Variants in PEAK1 observed in about 807,000 individuals in gnomAD.
PEAK1 encodes pseudopodium enriched atypical kinase 1, also known as inactive tyrosine-protein kinase PEAK1.
In PEAK1, 54 loss-of-function variants were observed where a neutral mutation model predicts 124.7. The ratio of observed to expected loss-of-function variants is 0.43; its 90% CI spans 0.35 to 0.54. The LOEUF (loss-of-function observed/expected upper bound fraction) is 0.54, where lower values mean the gene tolerates loss of function less well. Among genes scored for constraint, PEAK1 ranks in the 20% least tolerant of loss-of-function variants. The pLI, the probability that PEAK1 is intolerant of heterozygous loss-of-function variation, is 0.01. For missense variants in PEAK1, 2,046 were observed against 2,134.5 expected, an observed-to-expected ratio of 0.96 and a Z score of 0.82; for synonymous variants, 719 against 760.0, an observed-to-expected ratio of 0.95 and a Z score of 0.89.
chr15:77,377,548 C>T (rs1364396939), intron 1 of PEAK1, among the ~76,000 whole-genome samples: 6 of 151,032 alleles, frequency 4.0e-5, no homozygotes, highest in Non-Finnish European at 7.4e-5. Context: ...CAGCTCACTG[C>T]AACCTCCACC....
chr15:77,112,398 T>C lies in PEAK1; in HGVS notation c.*1758A>G, dbSNP rs1208729998. ...TGTAAGTAATACTGCACAGTCAGTC[T>C]TGGCTTTAAGGAAACTCTGCACTGG... On this transcript the variant is annotated 3_prime_UTR_variant, in exon 10 of 10. Coordinates refer to ENST00000682557, the MANE Select transcript of PEAK1 (RefSeq NM_001385026.1). 6.6e-6 allele frequency: 1 copy of C among 152,252 alleles called. No homozygotes were observed. Among genetic ancestry groups the C allele is most frequent in the Non-Finnish European group, 1.5e-5 (1 of 68,054 alleles). The allele number at this position is 152,252 out of a possible 1,614,324, so 9.4% of individuals were successfully genotyped here.
chr15:77,408,440 C>T (rs1314695472), intron 1 of PEAK1, among the ~76,000 whole-genome samples: 1 of 151,844 alleles, frequency 6.6e-6, no homozygotes, highest in Non-Finnish European at 1.5e-5. Flanking sequence ...GCGTACACTG[C>T]TTGGCGATGG....
intron 5 of PEAK1, among the ~76,000 whole-genome samples, chr15:77,272,349 A>G (rs1473981061): frequency 6.6e-6 from 1 of 152,220 alleles, no homozygotes; most frequent in East Asian, 1.9e-4. Flanking sequence ...GATAAATAAA[A>G]TTGATAGACC....
intron 6 of PEAK1, among the ~76,000 whole-genome samples, chr15:77,242,864 C>T (rs1057214590): frequency 1.3e-5 from 2 of 152,124 alleles, no homozygotes; most frequent in African/African-American, 4.8e-5. Context: ...TGTCTTCCAA[C>T]AGGAAAGTAT....
intron 6 of PEAK1, among the ~76,000 whole-genome samples, chr15:77,250,192 CAT>C (rs1197348228): frequency 1.6e-4 from 17 of 104,090 alleles, no homozygotes; most frequent in African/African-American, 2.7e-4. Context: ...TATATATATA[CAT>C]ATATATACAT....
In PEAK1 at chr15:77,112,004, T is replaced by A. The variant is rs1485699427; in HGVS notation, c.*2152A>T. The A allele has an allele frequency of 6.6e-6, 1 of 152,230 alleles. No homozygotes were observed. The highest frequency in any genetic ancestry group is 1.5e-5 in the Non-Finnish European group (1 of 68,062). 9.4% of individuals were successfully genotyped at this position (152,230 alleles called of 1,614,324 possible). Reference sequence around the variant, plus strand: ...TATGTGCACATGTTCTATGCTAAGATGAACCAAACACCAACCTTCAAGGCA... The same window carrying A: ...TATGTGCACATGTTCTATGCTAAGAAGAACCAAACACCAACCTTCAAGGCA... On this transcript the variant is annotated 3_prime_UTR_variant, in exon 10 of 10. Transcript: ENST00000682557.
At position 77,181,485 on chromosome 15, in the gene PEAK1, C is replaced by T; in HGVS notation, c.442G>A (p.Gly148Arg). ...SAKKMSDNNN[G>R]LTEVLKEIAG... ...ATCTCCTTTAACACTTCAGTTAGTC[C>T]ATTATTGTTATCTGACATCTTCTTT... Residue 148 changes from glycine (G) to arginine (R), a missense_variant, in exon 7 of 10, where the codon GGA becomes AGA. Transcript: ENST00000682557. 1 of 1,614,076 alleles carries T rather than the reference C, an allele frequency of 6.2e-7. No individual in the cohort carries two copies.
downstream of PEAK1, chr15:77,106,270 C>G (rs897551361): frequency 5.9e-5 from 9 of 152,176 alleles, no homozygotes; most frequent in South Asian, 6.2e-4. Flanking sequence ...ATTGCCAGAT[C>G]AACTCAAAAT....
At chr15:77,285,592 C>T (rs1416777675) in intron 3 of PEAK1, among the ~76,000 whole-genome samples, 1 of 152,162 alleles carries the variant, frequency 6.6e-6, no homozygotes, top group East Asian at 1.9e-4. Flanking sequence ...GAGCTTCTGA[C>T]CTCAAGCAAT....
intron 9 of PEAK1, among the ~76,000 whole-genome samples, chr15:77,120,445 T>C (rs1386648673): frequency 6.6e-6 from 1 of 152,244 alleles, no homozygotes; most frequent in African/African-American, 2.4e-5. Flanking sequence ...CCTCTCTTGA[T>C]GAATGGCTTT....
chr15:77,139,832 T>C (rs2053632068), intron 8 of PEAK1, among the ~76,000 whole-genome samples: 1 of 151,632 alleles, frequency 6.6e-6, no homozygotes. Context: ...ATATATAAAT[T>C]GTGTCTATAT....
intron 5 of PEAK1, among the ~76,000 whole-genome samples, chr15:77,272,695 T>C (rs1395816848): frequency 6.6e-6 from 1 of 151,958 alleles, no homozygotes; most frequent in Non-Finnish European, 1.5e-5. Context: ...GAAGAACTGG[T>C]TACCAGTCCT....
chr15:77,240,579 G>C (rs2060311941), intron 6 of PEAK1, among the ~76,000 whole-genome samples: 1 of 151,644 alleles, frequency 6.6e-6, no homozygotes, highest in African/African-American at 2.4e-5. Context: ...CTGGGCAATA[G>C]AGTGAGACCC....
chr15:77,273,419 T>G (rs1290635899), intron 5 of PEAK1, among the ~76,000 whole-genome samples: 1 of 152,190 alleles, frequency 6.6e-6, no homozygotes, highest in African/African-American at 2.4e-5. Flanking sequence ...CAGCAAAGTT[T>G]CAGGATACAA....
intron 6 of PEAK1, among the ~76,000 whole-genome samples, chr15:77,215,455 G>C (rs893757812): frequency 6.6e-6 from 1 of 152,074 alleles, no homozygotes; most frequent in Non-Finnish European, 1.5e-5. Context: ...TATATGAAAT[G>C]GTACAGTAAT....
At chr15:77,129,498 G>A (rs2052665284) in intron 9 of PEAK1, among the ~76,000 whole-genome samples, 1 of 149,932 alleles carries the variant, frequency 6.7e-6, no homozygotes, top group Non-Finnish European at 1.5e-5. Context: ...CTGGAGTGCA[G>A]TGCCTCAGCT....
exon 7 of PEAK1, chr15:77,102,777 C>G (rs1276873881): frequency 6.6e-6 from 1 of 151,946 alleles, no homozygotes; most frequent in Non-Finnish European, 1.5e-5. Context: ...TTTTATTGAT[C>G]ATAGCTTTTT....
At chr15:77,292,822 G>A (rs1157034905) in intron 2 of PEAK1, among the ~76,000 whole-genome samples, 7 of 152,064 alleles carry the variant, frequency 4.6e-5, no homozygotes, top group African/African-American at 1.7e-4. Context: ...CATATATATA[G>A]TCTTATATAT....
At chr15:77,335,885 C>G in intron 2 of PEAK1, 1 of 985,364 alleles carries the variant, frequency 1.0e-6, no homozygotes, top group Non-Finnish European at 1.2e-6. Context: ...CCATCCTTCC[C>G]ACCCCAATCA....
Sources: gnomAD v4.1 joint callset for allele counts (sites outside exome capture counted in the v4.1 genomes callset) on GRCh38, gnomAD v4.1.1 for gene constraint, MANE v1.5 for transcripts, NCBI Gene and HGNC (gene_info 2026-07-23, HGNC 2026-07-21) for gene names.